The following PHACTR1 variants were observed in gnomAD, a reference collection of about 807,000 sequenced individuals.
PHACTR1 encodes RPEL repeat containing 1.
Under a neutral mutation model 69.2 loss-of-function variants are expected in PHACTR1, and 16 were observed. The ratio of observed to expected loss-of-function variants is 0.23; its 90% CI spans 0.16 to 0.35. The LOEUF (loss-of-function observed/expected upper bound fraction) is 0.35. Among genes scored for constraint, PHACTR1 ranks in the 10% least tolerant of loss-of-function variants. The probability of loss-of-function intolerance (pLI) is 1.00; values close to 1 mark genes in which losing one functional copy is unlikely to be tolerated. For synonymous variants in PHACTR1, 312 were observed against 284.5 expected, an observed-to-expected ratio of 1.10 and a Z score of -0.97; for missense variants, 510 against 734.7, an observed-to-expected ratio of 0.69 and a Z score of 3.54.
intron 4 of PHACTR1, among the ~76,000 whole-genome samples, chr6:12,974,977 G>A (rs1794686840): frequency 1.3e-5 from 2 of 152,126 alleles, no homozygotes; most frequent in African/African-American, 4.8e-5. Context: ...CTGCTTCATT[G>A]AGCATTGTCT....
At chr6:12,745,554 C>G (rs986664039) in intron 3 of PHACTR1, among the ~76,000 whole-genome samples, 6 of 151,996 alleles carry the variant, frequency 3.9e-5, no homozygotes, top group Admixed American at 3.3e-4. Flanking sequence ...ATGATGGAAA[C>G]AGCATGAGGG....
intron 5 of PHACTR1, among the ~76,000 whole-genome samples, chr6:13,075,275 T>C (rs1168918010): frequency 6.6e-6 from 1 of 152,168 alleles, no homozygotes; most frequent in African/African-American, 2.4e-5. Context: ...AAGAAGGAAC[T>C]GAGACAGAGA....
At chr6:12,854,325 T>C (rs1265085475) in intron 4 of PHACTR1, among the ~76,000 whole-genome samples, 3 of 152,256 alleles carry the variant, frequency 2.0e-5, no homozygotes, top group Non-Finnish European at 2.9e-5. Context: ...ATGTGTATGT[T>C]TCTTTTGATT....
At chr6:13,151,949 A>G (rs1378981427) in intron 5 of PHACTR1, among the ~76,000 whole-genome samples, 1 of 152,004 alleles carries the variant, frequency 6.6e-6, no homozygotes, top group African/African-American at 2.4e-5. Flanking sequence ...TGTGCAAGAC[A>G]TTTTTTTAAA....
chr6:12,875,389 G>A (rs764541222), intron 4 of PHACTR1, among the ~76,000 whole-genome samples: 5 of 152,158 alleles, frequency 3.3e-5, no homozygotes, highest in African/African-American at 7.2e-5. Context: ...CGATATTTGC[G>A]TTGTGCCCAG....
intron 3 of PHACTR1, among the ~76,000 whole-genome samples, chr6:12,749,223 C>A (rs1029254259): frequency 1.2e-4 from 18 of 152,240 alleles, no homozygotes; most frequent in Admixed American, 4.6e-4. Context: ...ACAGTGCTGA[C>A]TGGGCATCTC....
chr6:13,208,687 G>A (rs767486708), intron 8 of PHACTR1, among the ~76,000 whole-genome samples: 7 of 148,704 alleles, frequency 4.7e-5, no homozygotes, highest in Non-Finnish European at 8.9e-5. Context: ...TCTCATGAGC[G>A]TCAATCATCA....
rs115553448 is a variant in PHACTR1 at position 12,741,127 on chromosome 6, C to T, written c.104-8517C>T. Among the ~76,000 whole-genome samples the T allele has an allele frequency of 4.7e-3, 718 of 152,024 alleles. 8 individuals are homozygous for T. The highest frequency in any genetic ancestry group is 0.016 in the African/African-American group (684 of 41,510). On this transcript the variant is annotated intron_variant, in intron 3 of 14. Coordinates refer to ENST00000332995, the MANE Select transcript of PHACTR1 (RefSeq NM_030948.6). ...AAATATTTTCTCTTATCTAAATAAA[C>T]ATTTAGTGCAATAAATGTCCCAACC...
At position 12,970,393 on chromosome 6, in the gene PHACTR1, T is replaced by C. The variant is rs78157624; in HGVS notation, c.251-82972T>C. ...GCAGACCCAATTTAGCTAATAAACA[T>C]ATCAACTTATTTAAATATTAAACCC... On this transcript the variant is annotated intron_variant, in intron 4 of 14. Transcript: ENST00000332995. Among the ~76,000 whole-genome samples, 487 of 152,330 alleles carry C rather than the reference T, an allele frequency of 3.2e-3. 2 individuals are homozygous for C. The highest frequency in any genetic ancestry group is 0.011 in the African/African-American group (440 of 41,570).
chr6:13,083,574 T>C (rs1334397459), intron 5 of PHACTR1, among the ~76,000 whole-genome samples: 2 of 152,076 alleles, frequency 1.3e-5, no homozygotes, highest in African/African-American at 4.8e-5. Context: ...TTCCTACCCA[T>C]GAGCATGGAA....
intron 4 of PHACTR1, among the ~76,000 whole-genome samples, chr6:12,981,738 G>A (rs1420039737): frequency 1.3e-5 from 2 of 152,198 alleles, no homozygotes; most frequent in Non-Finnish European, 2.9e-5. Context: ...CTACAAGGAA[G>A]AAAACTTCAG....
intron 7 of PHACTR1, among the ~76,000 whole-genome samples, chr6:13,198,409 T>G (rs1207455796): frequency 1.3e-5 from 2 of 152,152 alleles, no homozygotes; most frequent in East Asian, 3.9e-4. Flanking sequence ...GGTGATAGCA[T>G]CAAGAATTAT....
intron 10 of PHACTR1, among the ~76,000 whole-genome samples, chr6:13,259,182 C>T (rs1775583885): frequency 6.6e-6 from 1 of 152,142 alleles, no homozygotes; most frequent in East Asian, 1.9e-4. Context: ...AATTAACTAC[C>T]TTAATTTCTG....
chr6:12,960,350 T>C (rs1217540602), intron 4 of PHACTR1, among the ~76,000 whole-genome samples: 1 of 152,258 alleles, frequency 6.6e-6, no homozygotes, highest in African/African-American at 2.4e-5. Flanking sequence ...TTCCCTTGAA[T>C]GTGCCAGTGA....
intron 4 of PHACTR1, among the ~76,000 whole-genome samples, chr6:12,795,609 T>C (rs1427516278): frequency 6.6e-6 from 1 of 152,114 alleles, no homozygotes; most frequent in Non-Finnish European, 1.5e-5. Flanking sequence ...CCAAACAATG[T>C]GGGAAGAGGA....
intron 4 of PHACTR1, among the ~76,000 whole-genome samples, chr6:12,857,556 T>C (rs1780519829): frequency 6.6e-6 from 1 of 150,422 alleles, no homozygotes; most frequent in Non-Finnish European, 1.5e-5. Context: ...TGAGCTGAGA[T>C]CGCGCTACTG....
chr6:13,259,432 A>T (rs2127415809), intron 10 of PHACTR1, among the ~76,000 whole-genome samples: 1 of 152,322 alleles, frequency 6.6e-6, no homozygotes, highest in Non-Finnish European at 1.5e-5. Context: ...TCAGTGTCTC[A>T]TCTTAGCCAC....
intron 5 of PHACTR1, among the ~76,000 whole-genome samples, chr6:13,132,793 G>A (rs1203306295): frequency 6.6e-6 from 1 of 152,092 alleles, no homozygotes; most frequent in Non-Finnish European, 1.5e-5. Flanking sequence ...CTTGCTGATG[G>A]AGGGCCTTGA....
intron 4 of PHACTR1, among the ~76,000 whole-genome samples, chr6:12,975,496 A>G (rs750052690): frequency 1.3e-5 from 2 of 152,214 alleles, no homozygotes; most frequent in Non-Finnish European, 2.9e-5. Flanking sequence ...TAGCGCTGAG[A>G]CATTTTAACT....
Sources: allele counts gnomAD v4.1 joint callset (sites outside exome capture counted in the v4.1 genomes callset), GRCh38; gene constraint gnomAD v4.1.1; transcripts MANE v1.5; gene names NCBI Gene and HGNC (gene_info 2026-07-23, HGNC 2026-07-21).